Variants in DPP10 observed in about 807,000 individuals in gnomAD.
DPP10 encodes dipeptidyl peptidase like 10.
In DPP10, 33 loss-of-function variants were observed where a neutral mutation model predicts 120.9. The observed-to-expected ratio is 0.27, with a 90% CI of 0.21 to 0.37. The LOEUF (loss-of-function observed/expected upper bound fraction) is 0.37, where lower values mean the gene tolerates loss of function less well. Among genes scored for constraint, DPP10 ranks in the 10% least tolerant of loss-of-function variants. DPP10 has a pLI of 1.00. For synonymous variants in DPP10, 337 were observed against 326.1 expected (o/e 1.03, Z -0.36); for missense variants, 816 against 942.8 (o/e 0.87, Z 1.76).
chr2:114,841,374 G>C lies in DPP10; in HGVS notation c.60+398536G>C, dbSNP rs528150102. Reference sequence around the variant, plus strand: ...GATTGCAAATAAAATGATAGGCTAAGAAATCTCAGCAGTGCACTTTTGGGG... The same window carrying C: ...GATTGCAAATAAAATGATAGGCTAACAAATCTCAGCAGTGCACTTTTGGGG... On this transcript the variant is annotated intron_variant, in intron 1 of 25. Transcript: ENST00000410059. Among the ~76,000 whole-genome samples, 3 of 152,266 alleles carry C rather than the reference G, an allele frequency of 2.0e-5. No individual in the cohort carries two copies. The South Asian group carries it at 6.2e-4, about 32-fold the overall frequency.
intron 1 of DPP10, among the ~76,000 whole-genome samples, chr2:114,564,057 G>A (rs1432985275): frequency 6.6e-6 from 1 of 152,118 alleles, no homozygotes; most frequent in Non-Finnish European, 1.5e-5. Flanking sequence ...TCCAGCAATC[G>A]ATTCCTTTGT....
At chr2:115,206,295 A>T (rs972333707) in intron 1 of DPP10, among the ~76,000 whole-genome samples, 3 of 152,072 alleles carry the variant, frequency 2.0e-5, no homozygotes, top group Admixed American at 2.0e-4. Context: ...CCAGAAACCA[A>T]TTTTTTAAAC....
At chr2:115,834,420 G>T (rs1689239277) in intron 21 of DPP10, among the ~76,000 whole-genome samples, 1 of 151,976 alleles carries the variant, frequency 6.6e-6, no homozygotes, top group Non-Finnish European at 1.5e-5. Context: ...TACCTCCCAA[G>T]ATGTTCTGAT....
At chr2:115,172,225 G>C (rs2053400409) in intron 1 of DPP10, among the ~76,000 whole-genome samples, 1 of 152,088 alleles carries the variant, frequency 6.6e-6, no homozygotes, top group African/African-American at 2.4e-5. Flanking sequence ...TTCTTGGTAA[G>C]AAAGGCTTCT....
chr2:114,890,133 TGA>T (rs1487216049), intron 1 of DPP10, among the ~76,000 whole-genome samples: 2 of 152,228 alleles, frequency 1.3e-5, no homozygotes, highest in African/African-American at 2.4e-5. Flanking sequence ...GTATGTGCTA[TGA>T]GAGACACCTG....
chr2:115,732,316 C>T (rs1262366529), intron 8 of DPP10, among the ~76,000 whole-genome samples: 3 of 151,978 alleles, frequency 2.0e-5, no homozygotes, highest in Non-Finnish European at 4.4e-5. Context: ...CTTTTAAGAC[C>T]AGGCCAATCT....
chr2:114,657,097 C>A (rs1697019782), intron 1 of DPP10, among the ~76,000 whole-genome samples: 1 of 152,054 alleles, frequency 6.6e-6, no homozygotes. Context: ...TGCTCCGAAT[C>A]TGGAAGATTA....
intron 1 of DPP10, among the ~76,000 whole-genome samples, chr2:115,198,480 T>G (rs1325895513): frequency 2.6e-5 from 4 of 152,226 alleles, no homozygotes; most frequent in Non-Finnish European, 5.9e-5. Context: ...ACTCTGTATA[T>G]ACACCTCCAG....
intron 1 of DPP10, among the ~76,000 whole-genome samples, chr2:115,250,450 G>C (rs758356332): frequency 1.3e-5 from 2 of 152,130 alleles, no homozygotes; most frequent in Non-Finnish European, 2.9e-5. Flanking sequence ...TGAATGGAAG[G>C]GTCTGGAGAA....
chr2:115,441,822 T>C (rs1165926517), intron 3 of DPP10, among the ~76,000 whole-genome samples: 2 of 147,944 alleles, frequency 1.4e-5, no homozygotes, highest in African/African-American at 5.0e-5. Flanking sequence ...TCTTTCTTTT[T>C]TTTTTTTTTT....
At chr2:115,798,628 A>T (rs989770527) in intron 19 of DPP10, among the ~76,000 whole-genome samples, 1 of 152,158 alleles carries the variant, frequency 6.6e-6, no homozygotes, top group Non-Finnish European at 1.5e-5. Context: ...AGCAACAAGT[A>T]ATGTGCAAAG....
At chr2:114,847,630 G>A (rs867310161) in intron 1 of DPP10, among the ~76,000 whole-genome samples, 8 of 152,152 alleles carry the variant, frequency 5.3e-5, no homozygotes, top group African/African-American at 1.7e-4. Flanking sequence ...TTACGTGAGT[G>A]TATCTAGAGA....
At chr2:114,706,509 A>G (rs1241404020) in intron 1 of DPP10, among the ~76,000 whole-genome samples, 2 of 152,136 alleles carry the variant, frequency 1.3e-5, no homozygotes, top group Non-Finnish European at 2.9e-5. Flanking sequence ...TGACTTGCAG[A>G]CACATCCCTG....
At chr2:115,100,729 G>A (rs1398459640) in intron 1 of DPP10, among the ~76,000 whole-genome samples, 3 of 151,938 alleles carry the variant, frequency 2.0e-5, no homozygotes, top group Non-Finnish European at 4.4e-5. Context: ...GTTGCTCTTG[G>A]GGGAGTATTA....
intron 1 of DPP10, among the ~76,000 whole-genome samples, chr2:114,727,805 T>C (rs1009823649): frequency 6.6e-6 from 1 of 152,216 alleles, no homozygotes; most frequent in Non-Finnish European, 1.5e-5. Context: ...AACAGCTTTT[T>C]TGAGGTGATA....
At chr2:115,537,563 G>GTTTT (rs11392457) in intron 5 of DPP10, among the ~76,000 whole-genome samples, 5 of 128,644 alleles carry the variant, frequency 3.9e-5, no homozygotes, top group African/African-American at 5.8e-5. Flanking sequence ...ACACATCACT[G>GTTTT]TTTTTTTTTT....
intron 7 of DPP10, among the ~76,000 whole-genome samples, chr2:115,701,732 A>G (rs1466597797): frequency 6.6e-6 from 1 of 152,122 alleles, no homozygotes; most frequent in Non-Finnish European, 1.5e-5. Flanking sequence ...AATAAAGTAT[A>G]CAGGAGTTCT....
At chr2:115,553,450 T>C (rs2080004460) in intron 5 of DPP10, among the ~76,000 whole-genome samples, 1 of 152,108 alleles carries the variant, frequency 6.6e-6, no homozygotes, top group Non-Finnish European at 1.5e-5. Flanking sequence ...TGTCATTTCA[T>C]ACATTATAGT....
chr2:115,033,893 CTTTTTT>C (rs965717193), intron 1 of DPP10, among the ~76,000 whole-genome samples: 16 of 89,858 alleles, frequency 1.8e-4, no homozygotes, highest in Non-Finnish European at 3.1e-4. Flanking sequence ...TTTTCTTTTT[CTTTTTT>C]TTTTTTTTTT....
Sources: allele counts gnomAD v4.1 joint callset (sites outside exome capture counted in the v4.1 genomes callset), GRCh38; gene constraint gnomAD v4.1.1; transcripts MANE v1.5; gene names NCBI Gene and HGNC (gene_info 2026-07-23, HGNC 2026-07-21).